Variants in CLSTN2 observed in about 807,000 individuals in gnomAD.
CLSTN2 encodes calsyntenin-2.
A neutral mutation model predicts 101.2 loss-of-function variants in CLSTN2; 48 were observed. That is an observed-to-expected ratio of 0.47 (90% CI 0.38 to 0.60). The LOEUF (loss-of-function observed/expected upper bound fraction) is 0.60. Ranked by LOEUF, CLSTN2 falls within the 20% of genes least tolerant of loss-of-function variation. The probability of loss-of-function intolerance (pLI) is 0.00; values close to 1 mark genes in which losing one functional copy is unlikely to be tolerated. For missense variants in CLSTN2, 1,160 were observed against 1,238.2 expected, an observed-to-expected ratio of 0.94 and a Z score of 0.95; for synonymous variants, 481 against 463.6, an observed-to-expected ratio of 1.04 and a Z score of -0.48.
At chr3:140,546,890 T>A (rs1370745667) in intron 10 of CLSTN2, among the ~76,000 whole-genome samples, 1 of 152,190 alleles carries the variant, frequency 6.6e-6, no homozygotes, top group Non-Finnish European at 1.5e-5. Context: ...CTTCTGAAAC[T>A]CCTAGATCAA....
At position 140,403,035 on chromosome 3, in the gene CLSTN2, T is replaced by C. The variant is rs557951688; in HGVS notation, c.233-594T>C. ...GGTTCAATAAATAAACATGCACTGA[T>C]TGAGAAAAAAGGAGATATTATCATG... is the stretch of plus-strand genomic sequence containing the variant. On this transcript the variant is annotated intron_variant, in intron 2 of 16. Transcript: ENST00000458420. 1.8e-3 allele frequency among the ~76,000 whole-genome samples: 269 copies of C among 152,246 alleles called. 3 individuals carry two copies. Among genetic ancestry groups the C allele is most frequent in the African/African-American group, 6.3e-3 (261 of 41,550 alleles).
At chr3:139,970,700 T>C (rs902477945) in intron 1 of CLSTN2, among the ~76,000 whole-genome samples, 3 of 152,178 alleles carry the variant, frequency 2.0e-5, no homozygotes, top group African/African-American at 7.2e-5. Flanking sequence ...GATTTCCACC[T>C]GAGATTGCCT....
chr3:140,390,629 A>G (rs1452934993), intron 2 of CLSTN2, among the ~76,000 whole-genome samples: 1 of 152,182 alleles, frequency 6.6e-6, no homozygotes, highest in East Asian at 1.9e-4. Flanking sequence ...AGTGTTATTT[A>G]TATTATCCAT....
intron 5 of CLSTN2, among the ~76,000 whole-genome samples, chr3:140,442,700 C>G (rs1576570108): frequency 5.9e-5 from 9 of 152,164 alleles, no homozygotes; most frequent in Admixed American, 5.9e-4. Flanking sequence ...AGGACTAACC[C>G]AACTGCTGAA....
At chr3:140,356,697 G>T (rs184964976) in intron 2 of CLSTN2, among the ~76,000 whole-genome samples, 1 of 144,762 alleles carries the variant, frequency 6.9e-6, no homozygotes, top group East Asian at 2.0e-4. Context: ...AGCGGAGGTT[G>T]CAATGAGCCG....
At chr3:140,093,471 T>C (rs907599046) in intron 1 of CLSTN2, among the ~76,000 whole-genome samples, 4 of 152,136 alleles carry the variant, frequency 2.6e-5, no homozygotes, top group Non-Finnish European at 4.4e-5. Context: ...CCCTTCCCAC[T>C]TACCTTCAAT....
At chr3:140,086,529 C>T (rs1030244719) in intron 1 of CLSTN2, among the ~76,000 whole-genome samples, 4 of 152,164 alleles carry the variant, frequency 2.6e-5, no homozygotes. Flanking sequence ...ATAAGTGCAA[C>T]GTAAGTATTT....
At position 140,574,063 on chromosome 3, in the gene CLSTN2, C is replaced by T. The variant is rs1273396377; in HGVS notation, c.*7810C>T. 5.9e-5 allele frequency: 9 copies of T among 152,226 alleles called. No individual in the cohort carries two copies. Among genetic ancestry groups the T allele is most frequent in the African/African-American group, 1.9e-4 (8 of 41,448 alleles). 9.4% of individuals were successfully genotyped at this position (152,226 alleles called of 1,614,324 possible). On this transcript the variant is annotated 3_prime_UTR_variant, in exon 17 of 17. Coordinates refer to ENST00000458420, the MANE Select transcript of CLSTN2 (RefSeq NM_022131.3). The stretch of plus-strand genomic sequence containing the variant: ...TACCGACTTAGCTATTGTGGCACCA[C>T]GGGAGCCTAGCACTGCACCTGGCCC...
chr3:139,945,335 C>A (rs1373065509), intron 1 of CLSTN2, among the ~76,000 whole-genome samples: 1 of 152,152 alleles, frequency 6.6e-6, no homozygotes, highest in East Asian at 1.9e-4. Context: ...ACCTCCTCTA[C>A]CCAAGAAAGT....
chr3:139,955,112 C>CTATATATATATATATATATA (rs58418059), intron 1 of CLSTN2, among the ~76,000 whole-genome samples: 835 of 71,398 alleles, frequency 0.012, 100 homozygotes, highest in East Asian at 0.021. Context: ...GGCAATATTG[C>CTATATATATATATATATATA]TATATATATA....
At chr3:139,946,832 C>T (rs1487780989) in intron 1 of CLSTN2, among the ~76,000 whole-genome samples, 1 of 152,214 alleles carries the variant, frequency 6.6e-6, no homozygotes, top group South Asian at 2.1e-4. Flanking sequence ...GAGCACTTAC[C>T]ATTATTGCTC....
At chr3:140,455,962 T>A (rs1408789966) in intron 6 of CLSTN2, among the ~76,000 whole-genome samples, 1 of 152,156 alleles carries the variant, frequency 6.6e-6, no homozygotes, top group Non-Finnish European at 1.5e-5. Context: ...AGCCCCACCT[T>A]ATGGCTTTGC....
At chr3:140,207,297 A>G (rs988399325) in intron 2 of CLSTN2, among the ~76,000 whole-genome samples, 8 of 152,190 alleles carry the variant, frequency 5.3e-5, no homozygotes, top group African/African-American at 1.9e-4. Context: ...AAGAAACTTC[A>G]CCTCTCTAAA....
At chr3:140,554,376 A>G (rs1220381867) in intron 10 of CLSTN2, among the ~76,000 whole-genome samples, 1 of 152,208 alleles carries the variant, frequency 6.6e-6, no homozygotes, top group African/African-American at 2.4e-5. Flanking sequence ...ATCAGGGAAA[A>G]GTTAATATAC....
chr3:140,282,220 G>A (rs2086854070), intron 2 of CLSTN2, among the ~76,000 whole-genome samples: 1 of 152,164 alleles, frequency 6.6e-6, no homozygotes. Flanking sequence ...TGGCTTTGAT[G>A]CTTCCTGGAA....
At chr3:140,352,647 T>G (rs77109368) in intron 2 of CLSTN2, among the ~76,000 whole-genome samples, 9,188 of 152,310 alleles carry the variant, frequency 0.06, 335 homozygotes, top group African/African-American at 0.1. Flanking sequence ...TCTAAGACCC[T>G]GTAAGAAATA....
At chr3:139,998,595 C>T (rs1474360580) in intron 1 of CLSTN2, among the ~76,000 whole-genome samples, 2 of 151,890 alleles carry the variant, frequency 1.3e-5, no homozygotes, top group Non-Finnish European at 2.9e-5. Flanking sequence ...CCGCCCGCCT[C>T]GGCCTCCCAA....
intron 2 of CLSTN2, among the ~76,000 whole-genome samples, chr3:140,273,602 C>G (rs186339134): frequency 6.6e-6 from 1 of 152,076 alleles, no homozygotes; most frequent in African/African-American, 2.4e-5. Context: ...AGTGAACCAC[C>G]GTGTCAGAGC....
intron 2 of CLSTN2, among the ~76,000 whole-genome samples, chr3:140,302,908 A>G (rs2087074150): frequency 6.6e-6 from 1 of 152,164 alleles, no homozygotes; most frequent in South Asian, 2.1e-4. Flanking sequence ...GTGTGAGCTA[A>G]AAGTGTGTCA....
Sources: gnomAD v4.1 joint callset for allele counts (sites outside exome capture counted in the v4.1 genomes callset) on GRCh38, gnomAD v4.1.1 for gene constraint, MANE v1.5 for transcripts, NCBI Gene and HGNC (gene_info 2026-07-23, HGNC 2026-07-21) for gene names.